Variants in KALRN observed in about 807,000 individuals in gnomAD.
KALRN encodes kalirin RhoGEF kinase, also known as kalirin.
In KALRN, 70 loss-of-function variants were observed where a neutral mutation model predicts 353.7. The observed-to-expected ratio is 0.20, with a 90% CI of 0.16 to 0.24. KALRN has a LOEUF of 0.24. Ranked by LOEUF, KALRN falls within the 10% of genes least tolerant of loss-of-function variation. KALRN has a pLI of 1.00. For missense variants in KALRN, 2,791 were observed against 3,756.7 expected, an observed-to-expected ratio of 0.74 and a Z score of 6.72; for synonymous variants, 1,391 against 1,434.8, an observed-to-expected ratio of 0.97 and a Z score of 0.69.
At chr3:124,398,559 T>C in intron 12 of KALRN, 138 bp from the exon 13 acceptor site, 1 of 852,134 alleles carries the variant, frequency 1.2e-6, no homozygotes, top group South Asian at 1.5e-5. Context: ...ACAGCAGGAG[T>C]TTGATAAATG....
intron 1 of KALRN, among the ~76,000 whole-genome samples, chr3:124,156,789 G>C (rs188981951): frequency 1.8e-4 from 27 of 152,276 alleles, no homozygotes; most frequent in Admixed American, 1.6e-3. Context: ...CAATGACATG[G>C]AGTTAGGACT....
chr3:124,562,553 C>A, intron 33 of KALRN: 1 of 291,758 alleles, frequency 3.4e-6, no homozygotes, highest in Non-Finnish European at 6.7e-6. Flanking sequence ...GAATCAAAGC[C>A]CTGGTTCTGG....
At chr3:124,678,340 C>CCCCACCTGTCATCCACT in intron 50 of KALRN, 27 bp downstream of exon 50, 2 of 1,611,096 alleles carry the variant, frequency 1.2e-6, no homozygotes, top group Non-Finnish European at 1.7e-6. Flanking sequence ...GGAGCTGCGT[C>CCCCACCTGTCATCCACT]CCCACCTGTC....
intron 1 of KALRN, among the ~76,000 whole-genome samples, chr3:124,195,489 G>T (rs1045072314): frequency 6.6e-6 from 1 of 152,104 alleles, no homozygotes; most frequent in Non-Finnish European, 1.5e-5. Context: ...TCGTCCTGAG[G>T]CTCCCGTGTG....
chr3:124,311,670 C>T (rs546200596), intron 6 of KALRN, among the ~76,000 whole-genome samples: 1 of 152,248 alleles, frequency 6.6e-6, no homozygotes, highest in East Asian at 1.9e-4. Context: ...CATATGTCTA[C>T]ATAAAATGTC....
At chr3:124,552,804 C>A (rs571608130) in intron 33 of KALRN, among the ~76,000 whole-genome samples, 1 of 152,136 alleles carries the variant, frequency 6.6e-6, no homozygotes, top group Non-Finnish European at 1.5e-5. Flanking sequence ...TCACTCTTGT[C>A]GCCCAGGCTG....
chr3:124,185,723 A>T (rs1433641432), intron 1 of KALRN, among the ~76,000 whole-genome samples: 1 of 152,132 alleles, frequency 6.6e-6, no homozygotes, highest in Non-Finnish European at 1.5e-5. Flanking sequence ...TGCTCTGGGG[A>T]GCTGCCTCAT....
At chr3:124,355,285 A>G (rs925549657) in intron 10 of KALRN, among the ~76,000 whole-genome samples, 3 of 152,234 alleles carry the variant, frequency 2.0e-5, no homozygotes, top group Non-Finnish European at 4.4e-5. Flanking sequence ...TATAATATCT[A>G]AACCAGAGAA....
At chr3:124,584,690 G>T (rs890761912) in intron 34 of KALRN, 1 of 1,433,582 alleles carries the variant, frequency 7.0e-7, no homozygotes, top group Non-Finnish European at 9.1e-7. Flanking sequence ...CTGCGGCCGC[G>T]GTGCGGGGAG....
At chr3:124,701,395 T>C (rs1409555566) in intron 56 of KALRN, among the ~76,000 whole-genome samples, 1 of 147,848 alleles carries the variant, frequency 6.8e-6, no homozygotes, top group Non-Finnish European at 1.5e-5. Flanking sequence ...TTTCTTTTTT[T>C]TTTTTTTTTG....
Position 124,338,347 on chromosome 3 carries a change from A to G in KALRN, c.1647+3852A>G, listed in dbSNP as rs564125098. Among the ~76,000 whole-genome samples the G allele has an allele frequency of 5.3e-5, 8 of 152,188 alleles. No homozygotes were observed. The South Asian group carries it at 1.0e-3, about 20-fold the overall frequency. On this transcript the variant is annotated intron_variant, in intron 9 of 59. Transcript: ENST00000682506. ...TCTGGTACGTTGTGTCTTTGTTCTC[A>G]TTGGTGTCAAAGAACTTCTTTATTT...
At chr3:124,272,921 G>A (rs889133055) in intron 5 of KALRN, among the ~76,000 whole-genome samples, 8 of 152,172 alleles carry the variant, frequency 5.3e-5, no homozygotes, top group Non-Finnish European at 1.0e-4. Flanking sequence ...ACAAGGGCTT[G>A]AGGAAGTAGT....
intron 9 of KALRN, among the ~76,000 whole-genome samples, chr3:124,341,123 G>A (rs1487220659): frequency 6.6e-6 from 1 of 152,214 alleles, no homozygotes; most frequent in Non-Finnish European, 1.5e-5. Flanking sequence ...CATAATGGCT[G>A]TTAAGTTAAC....
At chr3:124,090,180 G>A (rs61581346) in intron 1 of KALRN, among the ~76,000 whole-genome samples, 22,823 of 151,888 alleles carry the variant, frequency 0.15, 2,072 homozygotes, top group East Asian at 0.45. Context: ...GACTGCTGGG[G>A]GAACTAGAAG....
chr3:124,100,822 C>T (rs1335391549), intron 1 of KALRN, among the ~76,000 whole-genome samples: 1 of 152,208 alleles, frequency 6.6e-6, no homozygotes, highest in Non-Finnish European at 1.5e-5. Context: ...AACACCCCCA[C>T]TTCCACCTCC....
At chr3:124,420,849 G>T (rs2092746710) in intron 14 of KALRN, among the ~76,000 whole-genome samples, 1 of 152,212 alleles carries the variant, frequency 6.6e-6, no homozygotes, top group Non-Finnish European at 1.5e-5. Flanking sequence ...TTGCAGGTGT[G>T]TTGGTGGTGG....
At chr3:124,353,175 TA>T (rs890544051) in intron 10 of KALRN, among the ~76,000 whole-genome samples, 10 of 151,424 alleles carry the variant, frequency 6.6e-5, no homozygotes, top group African/African-American at 1.9e-4. Context: ...ACTGGAACTA[TA>T]AAAAAAAATC....
rs1262383733 is a variant in KALRN, at chr3:124,487,175, A to T, written c.4285-1029A>T. Among the ~76,000 whole-genome samples the T allele has an allele frequency of 2.0e-5, 3 of 152,198 alleles. No individual in the cohort carries two copies. The East Asian group carries it at 5.8e-4, about 29-fold the overall frequency. Reference sequence around the variant, plus strand: ...CCTTCTCAGTGTCAAAGGGAGCAAGATACAGTGACCCTGATAGGAAAAATG... The same window carrying T: ...CCTTCTCAGTGTCAAAGGGAGCAAGTTACAGTGACCCTGATAGGAAAAATG... On this transcript the variant is annotated intron_variant, in intron 28 of 59. Coordinates refer to ENST00000682506, the MANE Select transcript of KALRN (RefSeq NM_001388419.1).
chr3:124,631,580 T>C (rs1410066975), intron 34 of KALRN, among the ~76,000 whole-genome samples: 1 of 152,188 alleles, frequency 6.6e-6, no homozygotes, highest in Non-Finnish European at 1.5e-5. Context: ...CTCCAGAATC[T>C]GATCACTTCT....
Sources: gnomAD v4.1 joint callset for allele counts (sites outside exome capture counted in the v4.1 genomes callset) on GRCh38, gnomAD v4.1.1 for gene constraint, MANE v1.5 for transcripts, NCBI Gene and HGNC (gene_info 2026-07-23, HGNC 2026-07-21) for gene names.